Variants in SPRY3 observed in about 807,000 individuals in gnomAD.
SPRY3 encodes protein sprouty homolog 3.
Under a neutral mutation model 20.2 loss-of-function variants are expected in SPRY3, and 15 were observed. The ratio of observed to expected loss-of-function variants is 0.74; its 90% CI spans 0.50 to 1.14. The LOEUF is 1.14. Among genes scored for constraint, SPRY3 ranks in the 50% most tolerant of loss-of-function variants. The pLI is 0.00. For synonymous variants in SPRY3, 143 were observed against 136.5 expected (o/e 1.05, Z -0.33); for missense variants, 364 against 363.9 (o/e 1.00, Z 0.00).
chrX:155,762,740 C>G (rs1453563765), intron 2 of SPRY3, among the ~76,000 whole-genome samples: 2 of 152,090 alleles, frequency 1.3e-5, no homozygotes, highest in East Asian at 1.9e-4. Flanking sequence ...AAAGAGTATG[C>G]TTATACACTG....
intron 1 of SPRY3, among the ~76,000 whole-genome samples, chrX:155,648,278 C>G (rs782006174): frequency 1.8e-5 from 2 of 112,224 alleles, no homozygotes; most frequent in Non-Finnish European, 3.8e-5. Flanking sequence ...TAGTTTCTTT[C>G]GCTATGCAGA....
Position 155,773,993 on chromosome X carries a change from GC to G in SPRY3, c.125del (p.Pro42LeufsTer38). The G allele has an allele frequency of 6.2e-7, 1 of 1,613,932 alleles. No individual in the cohort carries two copies. Among genetic ancestry groups the G allele is most frequent in the Non-Finnish European group, 8.5e-7 (1 of 1,179,862 alleles). Reference sequence around the variant, plus strand: ...GCCCCCTGTAAACAGGCCCTCTCCAGCCCTTCCCTTATTGTGCAAACCCACA... The same window carrying G: ...GCCCCCTGTAAACAGGCCCTCTCCAGCCTTCCCTTATTGTGCAAACCCACA... On this transcript the variant is annotated frameshift_variant, in exon 4 of 4. Coordinates refer to ENST00000675360, the Ensembl canonical transcript of SPRY3. LOFTEE classifies it high-confidence loss of function.
At chrX:155,724,711 A>G (rs2091085737) in intron 2 of SPRY3, among the ~76,000 whole-genome samples, 1 of 152,100 alleles carries the variant, frequency 6.6e-6, no homozygotes, top group Admixed American at 6.6e-5. Context: ...GCTTAAGGAG[A>G]TTTTGGGCTG....
At chrX:155,626,313 T>G (rs1176006149) in intron 1 of SPRY3, among the ~76,000 whole-genome samples, 1 of 111,734 alleles carries the variant, frequency 8.9e-6, no homozygotes, top group Non-Finnish European at 1.9e-5. Context: ...ATGTTGAGCT[T>G]CTTTTTATTT....
chrX:155,653,415 T>C (rs1603122584), intron 1 of SPRY3, among the ~76,000 whole-genome samples: 1 of 112,205 alleles, frequency 8.9e-6, no homozygotes, highest in South Asian at 3.7e-4. Context: ...GAGTTAATTT[T>C]TATACATAAT....
chrX:155,775,008 T>C (rs2091414889), exon 4 of SPRY3: 3 of 556,516 alleles, frequency 5.4e-6, no homozygotes, highest in Non-Finnish European at 9.7e-6. Context: ...TATATGGGTA[T>C]GAGGTTTGAA....
intron 1 of SPRY3, among the ~76,000 whole-genome samples, chrX:155,615,435 T>C (rs1557348769): frequency 1.9e-4 from 21 of 112,279 alleles, no homozygotes; most frequent in Non-Finnish European, 1.1e-4. Context: ...TATGTGTTAA[T>C]TGTGATTGTG....
intron 2 of SPRY3, among the ~76,000 whole-genome samples, chrX:155,748,203 T>C (rs1024346968): frequency 1.3e-5 from 2 of 151,814 alleles, no homozygotes; most frequent in Non-Finnish European, 2.9e-5. Flanking sequence ...AAACATAAGA[T>C]TGGTGGCCCT....
At chrX:155,704,098 C>A (rs2090930718) in intron 2 of SPRY3, among the ~76,000 whole-genome samples, 1 of 151,760 alleles carries the variant, frequency 6.6e-6, no homozygotes, top group African/African-American at 2.4e-5. Flanking sequence ...ATTCAACTTT[C>A]CACAAAATAT....
At chrX:155,756,791 T>C (rs2091285080) in intron 2 of SPRY3, among the ~76,000 whole-genome samples, 1 of 152,018 alleles carries the variant, frequency 6.6e-6, no homozygotes, top group Non-Finnish European at 1.5e-5. Flanking sequence ...TTTAGATACA[T>C]ACACACACAA....
At chrX:155,748,670 C>G (rs911816286) in intron 2 of SPRY3, among the ~76,000 whole-genome samples, 8 of 151,608 alleles carry the variant, frequency 5.3e-5, no homozygotes, top group African/African-American at 1.9e-4. Flanking sequence ...GAATCAGGGC[C>G]AAAGAACAGG....
downstream of SPRY3, chrX:155,780,107 T>C (rs1237874865): frequency 1.8e-5 from 3 of 167,008 alleles, no homozygotes; most frequent in East Asian, 1.9e-4. Flanking sequence ...AAGTTATATA[T>C]GTTTGCTCCC....
intron 1 of SPRY3, among the ~76,000 whole-genome samples, chrX:155,628,803 G>A (rs1336718780): frequency 9.0e-6 from 1 of 111,530 alleles, no homozygotes; most frequent in African/African-American, 3.3e-5. Flanking sequence ...ACCAACACTT[G>A]TTATCTTTTG....
downstream of SPRY3, chrX:155,781,030 C>G (rs1279547413): frequency 6.2e-6 from 1 of 161,326 alleles, no homozygotes; most frequent in Non-Finnish European, 1.5e-5. Context: ...TCCTATAGCT[C>G]TCCATCTGGA....
chrX:155,656,993 G>A (rs782534775), exon 2 of SPRY3, among the ~76,000 whole-genome samples: 2 of 111,078 alleles, frequency 1.8e-5, no homozygotes, highest in African/African-American at 3.3e-5. Context: ...GAGGGTCACC[G>A]ACCTGATGCC....
intron 2 of SPRY3, among the ~76,000 whole-genome samples, chrX:155,748,501 T>A (rs2091240555): frequency 6.6e-6 from 1 of 151,328 alleles, no homozygotes; most frequent in Non-Finnish European, 1.5e-5. Context: ...AGGTCAGAGG[T>A]AGTAAGGAGG....
intron 2 of SPRY3, among the ~76,000 whole-genome samples, chrX:155,659,101 T>TTTA (rs2068001009): frequency 1.0e-5 from 1 of 99,617 alleles, no homozygotes; most frequent in African/African-American, 3.8e-5. Context: ...TCTTTTTTTC[T>TTTA]TTCTTCTTTC....
intron 2 of SPRY3, among the ~76,000 whole-genome samples, chrX:155,766,979 T>C (rs2091334850): frequency 6.6e-6 from 1 of 152,138 alleles, no homozygotes; most frequent in African/African-American, 2.4e-5. Flanking sequence ...GAAGCTGCAA[T>C]CACTCGGCAC....
chrX:155,682,014 C>G (rs759075652), intron 2 of SPRY3, among the ~76,000 whole-genome samples: 2 of 112,717 alleles, frequency 1.8e-5, no homozygotes, highest in Non-Finnish European at 3.7e-5. Context: ...ATGAAACAGT[C>G]TTCTATTGGA....
Sources: allele counts gnomAD v4.1 joint callset (sites outside exome capture counted in the v4.1 genomes callset), GRCh38; gene constraint gnomAD v4.1.1; transcripts MANE v1.5; gene names NCBI Gene and HGNC (gene_info 2026-07-23, HGNC 2026-07-21).